The following DPP10 variants were observed in gnomAD, a reference collection of about 807,000 sequenced individuals.
The protein encoded by DPP10 is dipeptidyl peptidase like 10, also known as inactive dipeptidyl peptidase 10.
DPP10 carries 33 observed loss-of-function variants against 120.9 expected under a neutral mutation model. The observed-to-expected ratio is 0.27, with a 90% CI of 0.21 to 0.37. The LOEUF is 0.37. Ranked by LOEUF, DPP10 falls within the 10% of genes least tolerant of loss-of-function variation. The probability of loss-of-function intolerance (pLI) is 1.00; values close to 1 mark genes in which losing one functional copy is unlikely to be tolerated. For missense variants in DPP10, 816 were observed against 942.8 expected, an observed-to-expected ratio of 0.87 and a Z score of 1.76; for synonymous variants, 337 against 326.1, an observed-to-expected ratio of 1.03 and a Z score of -0.36.
intron 3 of DPP10, among the ~76,000 whole-genome samples, chr2:115,423,895 C>T (rs1321103641): frequency 2.6e-5 from 4 of 152,066 alleles, no homozygotes; most frequent in Admixed American, 2.6e-4. Context: ...TTGGCAAAAG[C>T]TGATTTTATA....
intron 1 of DPP10, among the ~76,000 whole-genome samples, chr2:114,761,235 TA>T (rs1226019100): frequency 1.3e-5 from 2 of 151,812 alleles, no homozygotes; most frequent in Admixed American, 6.6e-5. Context: ...GAAAAGCAAA[TA>T]AAAAAAAGAT....
At chr2:115,519,470 G>T (rs996070506) in intron 4 of DPP10, among the ~76,000 whole-genome samples, 14 of 152,096 alleles carry the variant, frequency 9.2e-5, no homozygotes, top group Admixed American at 4.6e-4. Flanking sequence ...AGATATTGCA[G>T]ATGTCAGGAA....
intron 1 of DPP10, among the ~76,000 whole-genome samples, chr2:115,031,650 A>G (rs763980985): frequency 1.3e-4 from 20 of 152,198 alleles, no homozygotes; most frequent in Non-Finnish European, 1.9e-4. Context: ...CTTTTCTCCA[A>G]TAATTTCATG....
chr2:115,162,288 G>T (rs1486443809), intron 1 of DPP10: 7 of 1,528,952 alleles, frequency 4.6e-6, no homozygotes, highest in Non-Finnish European at 6.2e-6. Flanking sequence ...GGCTGAAGGT[G>T]CCCCGGGGAA....
At chr2:114,570,653 G>A (rs1424203446) in intron 1 of DPP10, among the ~76,000 whole-genome samples, 81 of 150,750 alleles carry the variant, frequency 5.4e-4, no homozygotes, top group Non-Finnish European at 1.0e-3. Context: ...GTGAAACCCC[G>A]TCTCTACTAA....
chr2:114,593,144 G>A lies in DPP10; in HGVS notation c.60+150306G>A, dbSNP rs112090727. Reference sequence around the variant, plus strand: ...CCCAAACCACTGGAGGCAGCCTACCGCAAAATCAAATAAGTTTAAAAGGAC... The same window carrying A: ...CCCAAACCACTGGAGGCAGCCTACCACAAAATCAAATAAGTTTAAAAGGAC... On this transcript the variant is annotated intron_variant, in intron 1 of 25. Transcript: ENST00000410059. Among the ~76,000 whole-genome samples the A allele has an allele frequency of 3.9e-3, 598 of 152,138 alleles. 4 individuals are homozygous for A. The highest frequency in any genetic ancestry group is 0.013 in the African/African-American group (539 of 41,504).
intron 1 of DPP10, among the ~76,000 whole-genome samples, chr2:114,877,461 C>T (rs1019596882): frequency 2.0e-5 from 3 of 151,958 alleles, no homozygotes; most frequent in East Asian, 1.9e-4. Flanking sequence ...TTGAGGCCTC[C>T]GGTCCTGCTT....
In DPP10 at chr2:114,462,225, G is replaced by A. The variant is rs181660975; in HGVS notation, c.60+19387G>A. ...CAAGTTGCGAAGATTTTACAGAGCC[G>A]TATATACCACCCTATTGCTAATATT... On this transcript the variant is annotated intron_variant, in intron 1 of 25. Transcript: ENST00000410059. 178 of 817,536 alleles carry A rather than the reference G, an allele frequency of 2.2e-4. No individual in the cohort carries two copies. The East Asian group carries it at 0.013, about 59-fold the overall frequency. 50.6% of individuals were successfully genotyped at this position (817,536 alleles called of 1,614,324 possible).
chr2:115,213,662 T>C (rs2056651440), intron 1 of DPP10, among the ~76,000 whole-genome samples: 1 of 152,194 alleles, frequency 6.6e-6, no homozygotes, highest in Non-Finnish European at 1.5e-5. Flanking sequence ...TCCTTGATTT[T>C]GCTTTTAGTT....
intron 1 of DPP10, among the ~76,000 whole-genome samples, chr2:114,545,680 C>G (rs1687333913): frequency 6.6e-6 from 1 of 152,182 alleles, no homozygotes; most frequent in African/African-American, 2.4e-5. Context: ...GTTTTACCCA[C>G]TCTATAAAGT....
In DPP10 at chr2:114,964,406, G is replaced by A. The variant is rs142607192; in HGVS notation, c.61-344833G>A. On this transcript the variant is annotated intron_variant, in intron 1 of 25. Coordinates refer to ENST00000410059, the MANE Select transcript of DPP10 (RefSeq NM_020868.6). ...CGAAATGCTGCAGTAGATGGGACTAGTGCTACAGAGGACAGTAAATAAGAA... is the reference window on the plus strand; with the variant it reads ...CGAAATGCTGCAGTAGATGGGACTAATGCTACAGAGGACAGTAAATAAGAA... Among the ~76,000 whole-genome samples, 5 of 152,188 alleles carry A rather than the reference G, an allele frequency of 3.3e-5. No homozygotes were observed. In the East Asian group the frequency reaches 9.7e-4, roughly 29 times the overall value.
intron 1 of DPP10, among the ~76,000 whole-genome samples, chr2:115,135,031 T>C (rs78218766): frequency 0.04 from 6,074 of 151,904 alleles, 393 homozygotes; most frequent in African/African-American, 0.14. Context: ...AAACCCAGGT[T>C]AGGAAGAGTA....
At chr2:115,203,393 G>A (rs986763462) in intron 1 of DPP10, among the ~76,000 whole-genome samples, 2 of 152,052 alleles carry the variant, frequency 1.3e-5, no homozygotes, top group African/African-American at 4.8e-5. Flanking sequence ...TACTGAGATG[G>A]GAAGATGTTA....
intron 1 of DPP10, among the ~76,000 whole-genome samples, chr2:114,857,585 G>T (rs1689472481): frequency 6.6e-6 from 1 of 152,136 alleles, no homozygotes. Context: ...ACCATCCCAG[G>T]CTCTGGAAAT....
At chr2:114,944,580 T>C (rs1697208403) in intron 1 of DPP10, among the ~76,000 whole-genome samples, 1 of 152,208 alleles carries the variant, frequency 6.6e-6, no homozygotes, top group Admixed American at 6.5e-5. Flanking sequence ...TCAGGCATCA[T>C]TTGTTTTACT....
intron 1 of DPP10, among the ~76,000 whole-genome samples, chr2:115,209,310 C>G (rs976017580): frequency 3.9e-5 from 6 of 152,054 alleles, no homozygotes; most frequent in African/African-American, 1.4e-4. Context: ...GAAAATGAAG[C>G]TATTTATAAA....
chr2:114,821,938 G>C (rs1005547743), intron 1 of DPP10, among the ~76,000 whole-genome samples: 1 of 152,162 alleles, frequency 6.6e-6, no homozygotes, highest in African/African-American at 2.4e-5. Context: ...GGCTGGAGTT[G>C]AGTGTCTGTG....
At chr2:115,418,645 G>T (rs1393868729) in intron 3 of DPP10, among the ~76,000 whole-genome samples, 3 of 151,606 alleles carry the variant, frequency 2.0e-5, no homozygotes, top group South Asian at 2.1e-4. Context: ...GGTGGTGTGT[G>T]TCTGTGGTCC....
chr2:114,692,736 G>A (rs184323754), intron 1 of DPP10, among the ~76,000 whole-genome samples: 141 of 152,154 alleles, frequency 9.3e-4, no homozygotes, highest in African/African-American at 3.2e-3. Context: ...AGGTCTCTAA[G>A]CACTTGCTTT....
Sources: gnomAD v4.1 joint callset for allele counts (sites outside exome capture counted in the v4.1 genomes callset) on GRCh38, gnomAD v4.1.1 for gene constraint, MANE v1.5 for transcripts, NCBI Gene and HGNC (gene_info 2026-07-23, HGNC 2026-07-21) for gene names.